OPA1: variants seen among roughly 807,000 people sequenced by gnomAD.
OPA1 encodes dynamin-like GTPase OPA1, mitochondrial.
A neutral mutation model predicts 152.9 loss-of-function variants in OPA1; 59 were observed. That is an observed-to-expected ratio of 0.39 (90% confidence interval 0.31 to 0.48). The LOEUF is 0.48. Among genes scored for constraint, OPA1 ranks in the 20% least tolerant of loss-of-function variants. OPA1 has a pLI of 0.96. For synonymous variants in OPA1, 400 were observed against 389.9 expected (o/e 1.03, Z -0.31); for missense variants, 1,008 against 1,216.8 (o/e 0.83, Z 2.55).
At chr3:193,603,415 C>A (rs1464159984) in intron 1 of OPA1, 1 of 152,232 alleles carries the variant, frequency 6.6e-6, no homozygotes, top group Non-Finnish European at 1.5e-5. Flanking sequence ...GCATAAAAAT[C>A]TGCTAAAGCA....
intron 7 of OPA1, among the ~76,000 whole-genome samples, chr3:193,631,001 T>C (rs2108975724): frequency 6.6e-6 from 1 of 152,324 alleles, no homozygotes; most frequent in Non-Finnish European, 1.5e-5. Context: ...TTCTCTGTGT[T>C]ACGAGTTAGC....
chr3:193,690,160 T>G (rs909175303), intron 29 of OPA1, among the ~76,000 whole-genome samples: 1 of 151,542 alleles, frequency 6.6e-6, no homozygotes, highest in Non-Finnish European at 1.5e-5. Context: ...ACCAAAAAAT[T>G]GAGACTCAAC....
At chr3:193,602,879 A>G (rs1226939722) in intron 1 of OPA1, among the ~76,000 whole-genome samples, 1 of 152,228 alleles carries the variant, frequency 6.6e-6, no homozygotes, top group African/African-American at 2.4e-5. Context: ...AGCTATGGTC[A>G]CAGCATCAGC....
At position 193,617,238 on chromosome 3, in the gene OPA1, A is replaced by T; in HGVS notation, c.509A>T (p.Asp170Val). The change falls in exon 4 of 31, where the codon GAC becomes GTC. Residue 170 changes from aspartate to valine, a missense_variant. Transcript: ENST00000361510. ...EDLVKLAPDF[D>V]KIVESLSLLK... The stretch of plus-strand genomic sequence containing the variant: ...CTTGTAAAGTTAGCACCAGACTTTG[A>T]CAAGATTGTTGAAAGCCTTAGCTTA... 6.2e-7 allele frequency: 1 copy of T among 1,613,316 alleles called. No homozygotes were observed. Among genetic ancestry groups the T allele is most frequent in the Non-Finnish European group, 8.5e-7 (1 of 1,179,394 alleles).
intron 21 of OPA1, among the ~76,000 whole-genome samples, chr3:193,652,046 G>A (rs1712611132): frequency 6.6e-6 from 1 of 152,142 alleles, no homozygotes; most frequent in Admixed American, 6.5e-5. Context: ...AGTTATCCCT[G>A]GTTGATGGCA....
chr3:193,662,652 T>C (rs1473889070), intron 25 of OPA1, among the ~76,000 whole-genome samples, 170 bp from the exon 26 acceptor site: 1 of 125,314 alleles, frequency 8.0e-6, no homozygotes, highest in Admixed American at 7.9e-5. Flanking sequence ...CCATTTACCA[T>C]ATTCATAAGC....
At chr3:193,643,330 C>T in intron 13 of OPA1, 43 bp from the exon 14 acceptor site, 1 of 1,490,236 alleles carries the variant, frequency 6.7e-7, no homozygotes, top group Non-Finnish European at 9.4e-7. Context: ...GACAAATTCC[C>T]CCCAAACTTT....
In OPA1 at chr3:193,695,048, G is replaced by A. The variant is rs1722135841; in HGVS notation, c.*448G>A. ...ATCAATTGTATATAAAATCACAGTA[G>A]CCTGCTAAATCATTGTATGTGTCTG... On this transcript the variant is annotated 3_prime_UTR_variant, in exon 31 of 31. Transcript: ENST00000361510. The A allele has an allele frequency of 6.6e-6, 1 of 152,188 alleles. No homozygotes were observed. The highest frequency in any genetic ancestry group is 2.4e-5 in the African/African-American group (1 of 41,460). The allele number at this position is 152,188 out of a possible 1,614,324, so 9.4% of individuals were successfully genotyped here. A position where few individuals can be genotyped will look rare whatever the true frequency, so the allele number is the denominator to read the frequency against.
chr3:193,659,583 G>A (rs1474844443), intron 25 of OPA1, 22 bp downstream of exon 25: 1 of 1,577,790 alleles, frequency 6.3e-7, no homozygotes, highest in Non-Finnish European at 8.7e-7. Context: ...CAAGTCTCTA[G>A]TCTTATGATG....
intron 1 of OPA1, among the ~76,000 whole-genome samples, chr3:193,602,299 A>G (rs1430307193): frequency 2.0e-5 from 3 of 152,198 alleles, no homozygotes; most frequent in African/African-American, 4.8e-5. Flanking sequence ...GGTGGTAAGA[A>G]GGACTTGGTA....
chr3:193,670,389 T>G (rs1239680011), intron 29 of OPA1, among the ~76,000 whole-genome samples: 1 of 140,530 alleles, frequency 7.1e-6, no homozygotes, highest in Non-Finnish European at 1.6e-5. Flanking sequence ...CCCCCCCACC[T>G]TTTTTTTTTT....
chr3:193,678,950 T>C (rs932923688), intron 29 of OPA1, among the ~76,000 whole-genome samples: 8 of 152,210 alleles, frequency 5.3e-5, no homozygotes, highest in African/African-American at 1.7e-4. Flanking sequence ...TGAAGTTGTT[T>C]TTTTTTCCCA....
intron 3 of OPA1, among the ~76,000 whole-genome samples, chr3:193,616,730 A>G (rs1472879439): frequency 6.6e-6 from 1 of 152,236 alleles, no homozygotes; most frequent in Non-Finnish European, 1.5e-5. Context: ...TTTAAGAAAT[A>G]TATTTTCATC....
At chr3:193,607,205 A>G (rs1165627466) in intron 1 of OPA1, among the ~76,000 whole-genome samples, 1 of 152,174 alleles carries the variant, frequency 6.6e-6, no homozygotes, top group Non-Finnish European at 1.5e-5. Flanking sequence ...ATTTTCTCCC[A>G]TTCTGTAGGT....
At chr3:193,594,498 C>G (rs955498436) in intron 1 of OPA1, among the ~76,000 whole-genome samples, 8 of 152,214 alleles carry the variant, frequency 5.3e-5, no homozygotes, top group Non-Finnish European at 1.0e-4. Flanking sequence ...AGCAATTCTC[C>G]TGTCTCCGCC....
intron 21 of OPA1, 104 bp from the exon 22 acceptor site, chr3:193,654,758 T>G (rs1424603867): frequency 1.6e-6 from 2 of 1,240,830 alleles, no homozygotes; most frequent in Non-Finnish European, 2.3e-6. Flanking sequence ...TATCAAAATT[T>G]TAAATATGTA....
chr3:193,596,351 C>CTTCT (rs1199731758), intron 1 of OPA1, among the ~76,000 whole-genome samples: 1 of 137,710 alleles, frequency 7.3e-6, no homozygotes, highest in Non-Finnish European at 1.5e-5. Context: ...CTTTTCTTTT[C>CTTCT]TTTTCTTTTC....
Position 193,647,081 on chromosome 3 carries a change from G to C in OPA1, c.1771G>C (p.Ala591Pro), listed in dbSNP as rs182251953. 1 of 1,611,152 alleles carries C rather than the reference G, an allele frequency of 6.2e-7. No individual in the cohort carries two copies. The highest frequency in any genetic ancestry group is 8.5e-7 in the Non-Finnish European group (1 of 1,178,556). ...SKLLKTSMLK[A>P]HQVTTRNLSL... ...TTTTAATAGGACAAGCATGCTAAAG[G>C]CACACCAAGTGACTACAAGAAATTT... Residue 591 changes from alanine to proline, a missense_variant, in exon 19 of 31, where the codon GCA becomes CCA. Coordinates refer to ENST00000361510, the MANE Select transcript of OPA1 (RefSeq NM_130837.3).
chr3:193,624,305 A>G (rs1730669943), intron 6 of OPA1: 1 of 152,212 alleles, frequency 6.6e-6, no homozygotes, highest in African/African-American at 2.4e-5. Context: ...GTCTTAAGAA[A>G]GAAATGTGGA....
Sources: gnomAD v4.1 joint callset for allele counts (sites outside exome capture counted in the v4.1 genomes callset) on GRCh38, gnomAD v4.1.1 for gene constraint, MANE v1.5 for transcripts, NCBI Gene and HGNC (gene_info 2026-07-23, HGNC 2026-07-21) for gene names.